NFX1: variants seen among roughly 807,000 people sequenced by gnomAD.
NFX1 encodes transcriptional repressor NF-X1.
Under a neutral mutation model 137.2 loss-of-function variants are expected in NFX1, and 69 were observed. That is an observed-to-expected ratio of 0.50 (90% CI 0.41 to 0.61). The LOEUF (loss-of-function observed/expected upper bound fraction) is 0.61. NFX1 is among the 20% of genes least tolerant of loss of function. The probability of loss-of-function intolerance (pLI) is 0.00; values close to 1 mark genes in which losing one functional copy is unlikely to be tolerated. For missense variants in NFX1, 1,167 were observed against 1,391.0 expected (o/e 0.84, Z 2.56); for synonymous variants, 495 against 474.1 (o/e 1.04, Z -0.57).
In NFX1 at chr9:33,294,741, T is replaced by G; in HGVS notation, c.347T>G (p.Ile116Ser). The G allele has an allele frequency of 1.2e-6, 2 of 1,613,966 alleles. No individual in the cohort carries two copies. The highest frequency in any genetic ancestry group is 1.7e-6 in the Non-Finnish European group (2 of 1,180,022). ...WQKLRNEKHH[I>S]RVKKAQSLAE... ...AAATTGAGGAATGAGAAGCACCATA[T>G]CAGAGTCAAGAAAGCACAGAGTCTT... Residue 116 changes from isoleucine to serine, a missense_variant, in exon 2 of 24, where the codon ATC becomes AGC. Around this residue, in one of 3 missense-constraint regions of NFX1, gnomAD observed 367 missense variants for 386.7 expected, o/e 0.95. Transcript: ENST00000379540.
intron 15 of NFX1, among the ~76,000 whole-genome samples, chr9:33,349,498 G>A (rs1001126332): frequency 2.0e-5 from 3 of 152,178 alleles, no homozygotes; most frequent in Non-Finnish European, 4.4e-5. Flanking sequence ...CCAGTGCGAT[G>A]GGAAATATGT....
chr9:33,343,439 C>T (rs1002856823), intron 13 of NFX1, among the ~76,000 whole-genome samples: 2 of 152,172 alleles, frequency 1.3e-5, no homozygotes, highest in African/African-American at 4.8e-5. Context: ...TCTACTTCTG[C>T]ATCCAGTCTG....
chr9:33,318,248 G>A (rs1822248987), intron 7 of NFX1, among the ~76,000 whole-genome samples: 1 of 152,102 alleles, frequency 6.6e-6, no homozygotes, highest in Admixed American at 6.6e-5. Context: ...CTGACATAAA[G>A]TATGAAACCT....
intron 19 of NFX1, among the ~76,000 whole-genome samples, chr9:33,360,351 AGTAT>A (rs1823949021): frequency 6.6e-6 from 1 of 152,256 alleles, no homozygotes; most frequent in East Asian, 1.9e-4. Context: ...TGACAATAAC[AGTAT>A]TTACCTTCCA....
At chr9:33,354,828 T>C in intron 18 of NFX1, 23 bp from the exon 19 acceptor site, 1 of 1,602,366 alleles carries the variant, frequency 6.2e-7, no homozygotes, top group Middle Eastern at 1.7e-4. Context: ...CTGACTTTAA[T>C]TTTTTTTCAT....
intron 21 of NFX1, chr9:33,365,922 G>A (rs552251306): frequency 1.3e-5 from 2 of 152,246 alleles, no homozygotes; most frequent in African/African-American, 2.4e-5. Flanking sequence ...GGGATGTCAC[G>A]GAGGTAGCTT....
At chr9:33,368,242 A>G (rs1191229467) in intron 23 of NFX1, among the ~76,000 whole-genome samples, 1 of 152,156 alleles carries the variant, frequency 6.6e-6, no homozygotes, top group African/African-American at 2.4e-5. Context: ...ATCTCAAAAA[A>G]AAAAGAATAG....
At chr9:33,318,626 C>T (rs1822263785) in intron 7 of NFX1, 105 bp from the exon 8 acceptor site, 13 of 1,028,568 alleles carry the variant, frequency 1.3e-5, no homozygotes, top group South Asian at 2.8e-5. Flanking sequence ...CAGGCATGAG[C>T]GACTGTGCCA....
intron 19 of NFX1, among the ~76,000 whole-genome samples, chr9:33,356,033 A>G (rs1361735998): frequency 2.0e-5 from 3 of 152,198 alleles, no homozygotes; most frequent in African/African-American, 7.2e-5. Context: ...AATAGGGTTT[A>G]TGTGTGTTCA....
chr9:33,322,130 G>A (rs1051054605), intron 9 of NFX1, among the ~76,000 whole-genome samples: 1 of 151,516 alleles, frequency 6.6e-6, no homozygotes, highest in African/African-American at 2.4e-5. Context: ...GAACCTGGGG[G>A]GCAGTAGTTG....
At chr9:33,303,077 T>C in intron 3 of NFX1, 114 bp from the exon 4 acceptor site, 2 of 713,406 alleles carry the variant, frequency 2.8e-6, no homozygotes, top group Non-Finnish European at 4.9e-6. Context: ...ATGCTTAACA[T>C]TGAAATTATT....
chr9:33,333,419 C>T (rs919957249), intron 11 of NFX1, among the ~76,000 whole-genome samples: 6 of 152,156 alleles, frequency 3.9e-5, no homozygotes, highest in African/African-American at 1.2e-4. Flanking sequence ...TTGAAGACTT[C>T]AATTTGGCTT....
intron 19 of NFX1, among the ~76,000 whole-genome samples, chr9:33,362,758 C>T (rs889190230): frequency 8.1e-6 from 1 of 123,644 alleles, no homozygotes; most frequent in Non-Finnish European, 1.6e-5. Context: ...GGCTGTAGTG[C>T]AATGGCGCTA....
chr9:33,343,871 G>A (rs1031590907), intron 13 of NFX1, among the ~76,000 whole-genome samples, 198 bp from the exon 14 acceptor site: 2 of 152,080 alleles, frequency 1.3e-5, no homozygotes, highest in Non-Finnish European at 2.9e-5. Context: ...CTTCATATCT[G>A]TTCATGCCTT....
At chr9:33,303,723 T>G (rs188854254) in intron 4 of NFX1, among the ~76,000 whole-genome samples, 82 of 152,358 alleles carry the variant, frequency 5.4e-4, no homozygotes, top group Non-Finnish European at 7.1e-4. Flanking sequence ...TCTTCCCTCT[T>G]TATGGAATAC....
At chr9:33,315,075 T>A (rs927279942) in intron 7 of NFX1, among the ~76,000 whole-genome samples, 1 of 152,084 alleles carries the variant, frequency 6.6e-6, no homozygotes, top group African/African-American at 2.4e-5. Flanking sequence ...AATCTAATTT[T>A]ATAGTTGGGG....
intron 5 of NFX1, among the ~76,000 whole-genome samples, chr9:33,309,842 A>G (rs1821900715): frequency 6.6e-6 from 1 of 152,182 alleles, no homozygotes. Context: ...ATATATAGCC[A>G]GTGTTGTGGA....
chr9:33,329,415 A>C (rs1370070745), intron 10 of NFX1, among the ~76,000 whole-genome samples: 1 of 152,112 alleles, frequency 6.6e-6, no homozygotes, highest in Non-Finnish European at 1.5e-5. Context: ...AAAACTATCC[A>C]GTGTGGCCAG....
rs78778092 is a variant in NFX1, at chr9:33,357,705, CT to C, written c.2873+2829del. ...CACCACTACGCCTGGCTAAGATTTT[CT>C]TTTTTTTTTTTTTTTCTTTTGTAAA... On this transcript the variant is annotated intron_variant, in intron 19 of 23. Transcript: ENST00000379540. Among the ~76,000 whole-genome samples the C allele has an allele frequency of 1.6e-3, 208 of 132,042 alleles. 1 individual carries two copies. The highest frequency in any genetic ancestry group is 0.011 in the South Asian group (43 of 3,990). 86.6% of individuals were successfully genotyped at this position (132,042 alleles called of 152,430 possible).
Sources: allele counts gnomAD v4.1 joint callset (sites outside exome capture counted in the v4.1 genomes callset), GRCh38; gene constraint gnomAD v4.1.1; regional missense constraint gnomAD v4.1.1; transcripts MANE v1.5; gene names NCBI Gene and HGNC (gene_info 2026-07-23, HGNC 2026-07-21).